Variants in CACNA1C observed in about 807,000 individuals in gnomAD.
The protein encoded by CACNA1C is voltage-dependent L-type calcium channel subunit alpha-1C.
In CACNA1C, 30 loss-of-function variants were observed where a neutral mutation model predicts 229.0. The observed-to-expected ratio is 0.13, with a 90% CI of 0.10 to 0.18. The LOEUF is 0.18. Among genes scored for constraint, CACNA1C ranks in the 10% least tolerant of loss-of-function variants. The pLI, the probability that CACNA1C is intolerant of heterozygous loss-of-function variation, is 1.00. For synonymous variants in CACNA1C, 1,114 were observed against 1,132.5 expected, an observed-to-expected ratio of 0.98 and a Z score of 0.33; for missense variants, 1,658 against 2,845.0, an observed-to-expected ratio of 0.58 and a Z score of 9.49.
In CACNA1C at chr12:2,639,217, C is replaced by T. The variant is rs1055585697; in HGVS notation, c.3912+4837C>T. ...TCCGAGCTTTTCTTCCTCTGTGAGC[C>T]GGGGAGGTAAGAGTGCGATGTCCTG... On this transcript the variant is annotated intron_variant, in intron 30 of 46. Coordinates refer to ENST00000399655, the MANE Select transcript of CACNA1C (RefSeq NM_000719.7). This position sits in a 1 kb window ranked among gnomAD's most constrained non-coding sequence, Gnocchi z 4.2. Among the ~76,000 whole-genome samples, 3 of 152,168 alleles carry T rather than the reference C, an allele frequency of 2.0e-5. No homozygotes were observed. The highest frequency in any genetic ancestry group is 1.9e-4 in the East Asian group (1 of 5,184).
At chr12:2,344,130 T>G (rs888233617) in intron 3 of CACNA1C, among the ~76,000 whole-genome samples, 1 of 152,208 alleles carries the variant, frequency 6.6e-6, no homozygotes, top group African/African-American at 2.4e-5. Flanking sequence ...GAGAATTTCT[T>G]GAAATCCAGA....
At chr12:2,290,800 G>T (rs1245172422) in intron 3 of CACNA1C, among the ~76,000 whole-genome samples, 4 of 152,164 alleles carry the variant, frequency 2.6e-5, no homozygotes, top group Non-Finnish European at 4.4e-5. Flanking sequence ...AGGGGAGGTA[G>T]GTCTCCCAGG....
At chr12:2,471,658 C>T (rs528725069) in intron 5 of CACNA1C, among the ~76,000 whole-genome samples, 2 of 151,974 alleles carry the variant, frequency 1.3e-5, no homozygotes, top group Non-Finnish European at 2.9e-5. Flanking sequence ...TCCTGGTTTC[C>T]ACTGTCTCTG....
At chr12:2,204,960 A>T (rs1168371495) in intron 3 of CACNA1C, among the ~76,000 whole-genome samples, 48 of 151,668 alleles carry the variant, frequency 3.2e-4, no homozygotes, top group Non-Finnish European at 4.0e-4. Flanking sequence ...ATTAATTAAA[A>T]AAAACAAAAA....
chr12:2,103,217 C>T (rs1238360506), intron 1 of CACNA1C, among the ~76,000 whole-genome samples: 1 of 152,200 alleles, frequency 6.6e-6, no homozygotes, highest in African/African-American at 2.4e-5. Context: ...TAAAAGTGTT[C>T]CTATTTCTCC....
chr12:2,011,963 G>A (rs562266086), intron 1 of CACNA1C, among the ~76,000 whole-genome samples: 1 of 152,312 alleles, frequency 6.6e-6, no homozygotes, highest in South Asian at 2.1e-4. Context: ...TTGGGAAAGA[G>A]TGTCAGAGCC....
rs139087353 is a variant in CACNA1C, at chr12:2,407,166, G to A, written c.478-41810G>A. Among the ~76,000 whole-genome samples the A allele has an allele frequency of 3.7e-3, 561 of 152,330 alleles. 2 individuals carry two copies. Among genetic ancestry groups the A allele is most frequent in the African/African-American group, 0.013 (534 of 41,578 alleles). On this transcript the variant is annotated intron_variant, in intron 3 of 46. Coordinates refer to ENST00000399655, the MANE Select transcript of CACNA1C (RefSeq NM_000719.7). ...ATTACCACATGGTGAATGTCCTGGC[G>A]CTCCCTTAGACCTCCTCTGACACCA...
intron 5 of CACNA1C, among the ~76,000 whole-genome samples, chr12:2,485,115 A>G (rs1396757361): frequency 6.6e-6 from 1 of 152,050 alleles, no homozygotes; most frequent in African/African-American, 2.4e-5. Flanking sequence ...TAAAGACACA[A>G]AAAGTGACCT....
chr12:2,314,378 C>G (rs1255913866), intron 3 of CACNA1C, among the ~76,000 whole-genome samples: 2 of 152,188 alleles, frequency 1.3e-5, no homozygotes. Context: ...GTACAGCACA[C>G]AGACGGCAAA....
chr12:2,558,112 G>A lies in CACNA1C; in HGVS notation c.1508+1135G>A, dbSNP rs553130692. Among the ~76,000 whole-genome samples, 4 of 152,296 alleles carry A rather than the reference G, an allele frequency of 2.6e-5. No homozygotes were observed. The South Asian group carries it at 8.3e-4, about 32-fold the overall frequency. ...GCTGTATTTTAAACAGTCCCTTAAG[G>A]TAAAGTGATTTGTCTCTCAGATTGC... On this transcript the variant is annotated intron_variant, in intron 11 of 46. Transcript: ENST00000399655.
intron 3 of CACNA1C, among the ~76,000 whole-genome samples, chr12:2,362,338 A>G (rs1241842147): frequency 6.6e-6 from 1 of 152,184 alleles, no homozygotes; most frequent in Non-Finnish European, 1.5e-5. Flanking sequence ...CAGAGATTGA[A>G]GGATCCCATC....
rs370073619 is a variant in CACNA1C, at chr12:2,061,604, C to T, written c.49+7993C>T. Among the ~76,000 whole-genome samples the T allele has an allele frequency of 3.2e-4, 49 of 152,226 alleles. No individual in the cohort carries two copies. The South Asian group carries it at 8.9e-3, about 28-fold the overall frequency. On this transcript the variant is annotated intron_variant, in intron 1 of 46. Coordinates refer to ENST00000399655, the MANE Select transcript of CACNA1C (RefSeq NM_000719.7). ...GGACATGGGGATGCAGGGTATCCGA[C>T]GCCTGGCAGCTGTCCACCTGCCATG...
intron 3 of CACNA1C, among the ~76,000 whole-genome samples, chr12:2,309,542 TGTG>T (rs1385131202): frequency 7.2e-5 from 11 of 152,106 alleles, no homozygotes; most frequent in Admixed American, 1.3e-4. Context: ...TCAGCTCTAT[TGTG>T]GTAATCATTT....
At chr12:2,340,727 G>A (rs1419876950) in intron 3 of CACNA1C, among the ~76,000 whole-genome samples, 1 of 152,224 alleles carries the variant, frequency 6.6e-6, no homozygotes, top group Non-Finnish European at 1.5e-5. Flanking sequence ...GGAGGCCGAG[G>A]CTGGCAGATC....
chr12:2,623,961 C>A (rs1213181510), intron 29 of CACNA1C, among the ~76,000 whole-genome samples: 1 of 152,230 alleles, frequency 6.6e-6, no homozygotes, highest in Non-Finnish European at 1.5e-5. Flanking sequence ...CTCAGCAGGA[C>A]TTAGCAGCAT....
intron 3 of CACNA1C, among the ~76,000 whole-genome samples, chr12:2,187,220 G>C (rs968813690): frequency 2.0e-5 from 3 of 152,220 alleles, no homozygotes; most frequent in Admixed American, 2.0e-4. Flanking sequence ...TGAGGTCAGA[G>C]AGGTTAAATG....
At chr12:2,483,843 C>T (rs1428635968) in intron 5 of CACNA1C, among the ~76,000 whole-genome samples, 1 of 152,174 alleles carries the variant, frequency 6.6e-6, no homozygotes, top group Non-Finnish European at 1.5e-5. Context: ...GTTCAGTGGC[C>T]TCTGTCCCCT....
At chr12:2,444,067 G>A (rs2099253773) in intron 3 of CACNA1C, among the ~76,000 whole-genome samples, 1 of 152,140 alleles carries the variant, frequency 6.6e-6, no homozygotes, top group East Asian at 1.9e-4. Flanking sequence ...CGCTCTTACT[G>A]GCTCTCTGGG....
chr12:2,579,463 C>T (rs747387427), intron 13 of CACNA1C, among the ~76,000 whole-genome samples: 2 of 152,002 alleles, frequency 1.3e-5, no homozygotes, highest in Non-Finnish European at 2.9e-5. Context: ...TACCCCAGCC[C>T]CAGAGTCAGC....
Sources: gnomAD v4.1 joint callset for allele counts (sites outside exome capture counted in the v4.1 genomes callset) on GRCh38, gnomAD v4.1.1 for gene constraint, Gnocchi (gnomAD v3.1) non-coding constraint, MANE v1.5 for transcripts, NCBI Gene and HGNC (gene_info 2026-07-23, HGNC 2026-07-21) for gene names.